The following SLC6A4 variants were observed in gnomAD, a reference collection of about 807,000 sequenced individuals.
SLC6A4 encodes solute carrier family 6 member 4.
A neutral mutation model predicts 73.4 loss-of-function variants in SLC6A4; 22 were observed. That is an observed-to-expected ratio of 0.30 (90% confidence interval 0.21 to 0.43). The LOEUF is 0.43. Ranked by LOEUF, SLC6A4 falls within the 20% of genes least tolerant of loss-of-function variation. The probability of loss-of-function intolerance (pLI) is 1.00; values close to 1 mark genes in which losing one functional copy is unlikely to be tolerated. For missense variants in SLC6A4, 593 were observed against 808.5 expected (o/e 0.73, Z 3.23); for synonymous variants, 270 against 315.5 (o/e 0.86, Z 1.53).
At position 30,211,526 on chromosome 17, in the gene SLC6A4, C is replaced by A. The variant is rs187818533; in HGVS notation, c.1205-102G>T. ...ACAACAACAGTTACAATTCTCATCA[C>A]AAGACCTTATGTGTGAATCAGGTTT... On this transcript the variant is annotated intron_variant, in intron 9 of 14. Transcript: ENST00000650711. The surrounding 1 kb of genome is among the most constrained non-coding windows in gnomAD (Gnocchi z 4.0). 572 of 745,138 alleles carry A rather than the reference C, an allele frequency of 7.7e-4. 4 individuals are homozygous for A. Among genetic ancestry groups the A allele is most frequent in the Middle Eastern group, 4.5e-3 (19 of 4,246 alleles). 46.2% of individuals were successfully genotyped at this position (745,138 alleles called of 1,614,324 possible).
At chr17:30,233,044 G>T (rs1907161563) in intron 1 of SLC6A4, among the ~76,000 whole-genome samples, 1 of 152,198 alleles carries the variant, frequency 6.6e-6, no homozygotes, top group Admixed American at 6.5e-5. Context: ...GTCCCTCCTA[G>T]AAAGATGGGA....
intron 13 of SLC6A4, chr17:30,203,575 A>G: frequency 4.1e-6 from 2 of 482,298 alleles, no homozygotes; most frequent in South Asian, 4.7e-5. Flanking sequence ...CTCACTTCCT[A>G]TAGGGGGATG....
chr17:30,218,110 G>A lies in SLC6A4; in HGVS notation c.698+8C>T. On this transcript the variant is annotated splice_region_variant and intron_variant, in intron 5 of 14. Transcript: ENST00000650711. ...TAACAGGCCAACCCCTCACTTACGTGCACTTACGTGTAAAATTCTTCAGCA... is the reference window on the plus strand; with the variant it reads ...TAACAGGCCAACCCCTCACTTACGTACACTTACGTGTAAAATTCTTCAGCA... 6.2e-7 allele frequency: 1 copy of A among 1,612,270 alleles called. No individual in the cohort carries two copies. Among genetic ancestry groups the A allele is most frequent in the Non-Finnish European group, 8.5e-7 (1 of 1,178,290 alleles).
intron 1 of SLC6A4, among the ~76,000 whole-genome samples, chr17:30,229,966 C>T (rs948588068): frequency 1.3e-5 from 2 of 151,548 alleles, no homozygotes; most frequent in Admixed American, 6.6e-5. Context: ...TTGTGGTGAG[C>T]TGAGATCGGG....
rs1905800426 is a variant in SLC6A4 at position 30,194,741 on chromosome 17, AC to A, written c.*3714del. The A allele has an allele frequency of 2.0e-5, 3 of 152,176 alleles. No homozygotes were observed. Among genetic ancestry groups the A allele is most frequent in the Admixed American group, 2.0e-4 (3 of 15,278 alleles). The allele number at this position is 152,176 out of a possible 1,614,324, so 9.4% of individuals were successfully genotyped here. ...GCAAAAATATGGGACATCCTTCCTC[AC>A]CAAATATTTTTGTTTGGACTGTCAG... On this transcript the variant is annotated 3_prime_UTR_variant, in exon 15 of 15. Coordinates refer to ENST00000650711, the MANE Select transcript of SLC6A4 (RefSeq NM_001045.6).
intron 13 of SLC6A4, 37 bp downstream of exon 13, chr17:30,207,695 C>A (rs573079207): frequency 3.6e-6 from 5 of 1,390,554 alleles, no homozygotes; most frequent in East Asian, 2.3e-5. Context: ...GGAAGTCTTT[C>A]GCCAGGGCAA....
chr17:30,229,180 G>A (rs552913501), intron 1 of SLC6A4, among the ~76,000 whole-genome samples: 1 of 152,308 alleles, frequency 6.6e-6, no homozygotes, highest in South Asian at 2.1e-4. Flanking sequence ...AGACTGACAT[G>A]CCCAGGATTA....
rs995420481 is a variant in SLC6A4 at position 30,211,594 on chromosome 17, G to A, written c.1205-170C>T. On this transcript the variant is annotated intron_variant, in intron 9 of 14. Transcript: ENST00000650711. The surrounding 1 kb of genome is among the most constrained non-coding windows in gnomAD (Gnocchi z 4.0). ...GTCCTCACACTCTACTCCGTCTGAC[G>A]TGGCCACCCCAGTTCCTGGGAGGCA... Among the ~76,000 whole-genome samples, 19 of 152,198 alleles carry A rather than the reference G, an allele frequency of 1.2e-4. No individual in the cohort carries two copies. The highest frequency in any genetic ancestry group is 3.3e-4 in the Admixed American group (5 of 15,276).
In SLC6A4 at chr17:30,216,214, C is replaced by T; in HGVS notation, c.840G>A (p.Val280=). Residue 280 remains valine, a splice_region_variant and synonymous_variant, in exon 7 of 15, where the codon GTG becomes GTA. Transcript: ENST00000650711. ...IWKGVKTSGK[V]VWVTATFPYI... ...AAGGGAAGGTGGCTGTCACCCACAC[C>T]ACCTGTAAGGAAGAAGGGTTATCAC... 6.3e-7 allele frequency: 1 copy of T among 1,594,124 alleles called. No homozygotes were observed. Among genetic ancestry groups the T allele is most frequent in the Non-Finnish European group, 8.6e-7 (1 of 1,168,636 alleles).
chr17:30,205,236 G>T (rs1026848426), intron 13 of SLC6A4, among the ~76,000 whole-genome samples: 1 of 151,924 alleles, frequency 6.6e-6, no homozygotes, highest in African/African-American at 2.4e-5. Context: ...GAGCTCTTTG[G>T]TGCCTTCTTA....
Position 30,197,138 on chromosome 17 carries a change from G to T in SLC6A4, c.*1318C>A, listed in dbSNP as rs1184597427. 6.6e-6 allele frequency: 1 copy of T among 152,294 alleles called. No homozygotes were observed. Among genetic ancestry groups the T allele is most frequent in the African/African-American group, 2.4e-5 (1 of 41,420 alleles). 9.4% of individuals were successfully genotyped at this position (152,294 alleles called of 1,614,324 possible). A position where few individuals can be genotyped will look rare whatever the true frequency, so the allele number is the denominator to read the frequency against. ...TGCTCCTCTACCTACGCCTCTGAGA[G>T]TCACGAGACACCAAAGGCCAAATTT... is the stretch of plus-strand genomic sequence containing the variant. On this transcript the variant is annotated 3_prime_UTR_variant, in exon 15 of 15. Coordinates refer to ENST00000650711, the MANE Select transcript of SLC6A4 (RefSeq NM_001045.6).
intron 3 of SLC6A4, among the ~76,000 whole-genome samples, chr17:30,219,470 T>A (rs1262612564): frequency 1.3e-5 from 2 of 152,202 alleles, no homozygotes; most frequent in Non-Finnish European, 2.9e-5. Context: ...TGTGACAATC[T>A]GTAGCAACAG....
At chr17:30,208,183 AC>A (rs895699290) in intron 12 of SLC6A4, among the ~76,000 whole-genome samples, 1 of 151,680 alleles carries the variant, frequency 6.6e-6, no homozygotes, top group Non-Finnish European at 1.5e-5. Flanking sequence ...AGAGACACAC[AC>A]CCCCTTCTTG....
At chr17:30,227,355 T>G (rs544460792) in intron 1 of SLC6A4, among the ~76,000 whole-genome samples, 129 of 148,550 alleles carry the variant, frequency 8.7e-4, no homozygotes, top group Admixed American at 4.0e-3. Flanking sequence ...AATCTGCTTG[T>G]TTTTTTTTTG....
At chr17:30,200,197 C>T (rs1905989740) in intron 14 of SLC6A4, among the ~76,000 whole-genome samples, 1 of 152,224 alleles carries the variant, frequency 6.6e-6, no homozygotes, top group Admixed American at 6.5e-5. Flanking sequence ...CCTTACCTAC[C>T]CACATGGGCT....
chr17:30,234,133 T>A (rs1033812191), intron 1 of SLC6A4, among the ~76,000 whole-genome samples: 11 of 152,074 alleles, frequency 7.2e-5, no homozygotes, highest in African/African-American at 2.7e-4. Context: ...CGAGAGGAAT[T>A]TCTGAGGTCT....
In SLC6A4 at chr17:30,196,444, G is replaced by A. The variant is rs879319435; in HGVS notation, c.*2012C>T. 1.3e-5 allele frequency: 2 copies of A among 151,960 alleles called. No individual in the cohort carries two copies. Among genetic ancestry groups the A allele is most frequent in the South Asian group, 2.1e-4 (1 of 4,826 alleles). 9.4% of individuals were successfully genotyped at this position (151,960 alleles called of 1,614,324 possible). ...CCATTAATACCAGACTTGGCAAAAC[G>A]CTAATTCTGTTTGAAAAGGTGTTTT... On this transcript the variant is annotated 3_prime_UTR_variant, in exon 15 of 15. Coordinates refer to ENST00000650711, the MANE Select transcript of SLC6A4 (RefSeq NM_001045.6).
In SLC6A4 at chr17:30,217,232, G is replaced by A. The variant is rs1204942257; in HGVS notation, c.771C>T (p.Leu257=). The change falls in exon 6 of 15, where the codon CTC becomes CTT. Residue 257 remains leucine, a synonymous_variant. Transcript: ENST00000650711. ...TAACAGTGAAGATCAGCATGATGCAGAGGGCCAGCTGCCAGCTGATGCCCC... is the reference window on the plus strand; with the variant it reads ...TAACAGTGAAGATCAGCATGATGCAAAGGGCCAGCTGCCAGCTGATGCCCC... ...DLGGISWQLA[L]CIMLIFTVIY... is the part of the protein sequence containing the mutation. 1 of 1,614,022 alleles carries A rather than the reference G, an allele frequency of 6.2e-7. No homozygotes were observed. The highest frequency in any genetic ancestry group is 1.7e-5 in the Admixed American group (1 of 60,008).
At chr17:30,220,005 G>A (rs7218956) in intron 3 of SLC6A4, among the ~76,000 whole-genome samples, 4,533 of 152,238 alleles carry the variant, frequency 0.03, 229 homozygotes, top group African/African-American at 0.1. Flanking sequence ...CAGTGACCCA[G>A]CCCCTTACAT....
Sources: gnomAD v4.1 joint callset for allele counts (sites outside exome capture counted in the v4.1 genomes callset) on GRCh38, gnomAD v4.1.1 for gene constraint, Gnocchi (gnomAD v3.1) non-coding constraint, MANE v1.5 for transcripts, NCBI Gene and HGNC (gene_info 2026-07-23, HGNC 2026-07-21) for gene names.